PLA2G4C: variants seen among roughly 807,000 people sequenced by gnomAD.
The protein encoded by PLA2G4C is cytosolic phospholipase A2 gamma.
Under a neutral mutation model 73.8 loss-of-function variants are expected in PLA2G4C, and 64 were observed. The ratio of observed to expected loss-of-function variants is 0.87; its 90% confidence interval spans 0.71 to 1.07. The LOEUF (loss-of-function observed/expected upper bound fraction) is 1.07. Among genes scored for constraint, PLA2G4C ranks in the 50% least tolerant of loss-of-function variants. The probability of loss-of-function intolerance (pLI) is 0.00; values close to 1 mark genes in which losing one functional copy is unlikely to be tolerated. For missense variants in PLA2G4C, 622 were observed against 665.4 expected (o/e 0.93, Z 0.72); for synonymous variants, 254 against 252.1 (o/e 1.01, Z -0.07).
At chr19:48,105,945 C>CTTTCTTTCTTTCTTT (rs1568457691) in intron 2 of PLA2G4C, among the ~76,000 whole-genome samples, 4 of 8,346 alleles carry the variant, frequency 4.8e-4, no homozygotes, top group Admixed American at 1.2e-3. Flanking sequence ...CTCCCTCCCT[C>CTTTCTTTCTTTCTTT]CCTTCTTTCT....
chr19:48,091,883 CAAAAAAAAAA>C (rs35118449), intron 7 of PLA2G4C, among the ~76,000 whole-genome samples: 5 of 21,090 alleles, frequency 2.4e-4, no homozygotes, highest in Non-Finnish European at 3.4e-4. Flanking sequence ...GACTCCATCT[CAAAAAAAAAA>C]AAAAAAAAAA....
intron 4 of PLA2G4C, among the ~76,000 whole-genome samples, chr19:48,101,126 A>T (rs199573952): frequency 0.017 from 1,286 of 74,116 alleles, 24 homozygotes; most frequent in African/African-American, 0.046. Flanking sequence ...ATATATATAT[A>T]TTTTTTTTTT....
rs550776761 is a variant in PLA2G4C at position 48,090,040 on chromosome 19, T to C, written c.763+324A>G. On this transcript the variant is annotated intron_variant, in intron 8 of 16. Transcript: ENST00000599921. ...CACTGTCCTACAAGCTTTCAATGAA[T>C]TAACTCATCAAATATTCATAACTAC... is the stretch of plus-strand genomic sequence containing the variant. 7.7e-4 allele frequency among the ~76,000 whole-genome samples: 117 copies of C among 152,280 alleles called. 1 individual carries two copies. Among genetic ancestry groups the C allele is most frequent in the African/African-American group, 2.8e-3 (117 of 41,556 alleles).
chr19:48,105,439 T>A lies in PLA2G4C; in HGVS notation c.14A>T (p.Glu5Val), dbSNP rs745675566. MGSS[E>V]VSIIPGLQKE... ...CTGGAGCCCAGGAATTATGGAAACT[T>A]CAGAGCTTCCCAGGAGAAAACACAA... Residue 5 changes from glutamate to valine, a missense_variant, in exon 3 of 17, where the codon GAA becomes GTA. Coordinates refer to ENST00000599921, the MANE Select transcript of PLA2G4C (RefSeq NM_003706.3). The A allele has an allele frequency of 6.2e-7, 1 of 1,610,596 alleles. No individual in the cohort carries two copies. The highest frequency in any genetic ancestry group is 1.7e-4 in the Middle Eastern group (1 of 6,046).
At chr19:48,066,018 C>T (rs906489129) in intron 13 of PLA2G4C, among the ~76,000 whole-genome samples, 4 of 151,446 alleles carry the variant, frequency 2.6e-5, no homozygotes, top group African/African-American at 9.7e-5. Flanking sequence ...ACCCAGGAGG[C>T]GGAGGTTGCG....
intron 2 of PLA2G4C, 68 bp downstream of exon 2, chr19:48,106,454 C>CA (rs1729528531): frequency 1.7e-6 from 2 of 1,155,084 alleles, no homozygotes; most frequent in South Asian, 2.4e-5. Context: ...CACCTCTTGA[C>CA]ACTCACTATG....
intron 12 of PLA2G4C, among the ~76,000 whole-genome samples, chr19:48,068,651 G>T (rs1968540127): frequency 6.6e-6 from 1 of 151,306 alleles, no homozygotes; most frequent in South Asian, 2.1e-4. Context: ...ATGTATGATT[G>T]TGCCACTGCA....
Position 48,106,926 on chromosome 19 carries a change from C to T in PLA2G4C, c.-32-365G>A, listed in dbSNP as rs966040898. The stretch of plus-strand genomic sequence containing the variant: ...TTGGCATGATCTCGGCTCACTGCAT[C>T]CTCCGCCTCCCGGGTTCAAGCGATT... On this transcript the variant is annotated intron_variant, in intron 1 of 16. Coordinates refer to ENST00000599921, the MANE Select transcript of PLA2G4C (RefSeq NM_003706.3). Among the ~76,000 whole-genome samples, 67 of 152,078 alleles carry T rather than the reference C, an allele frequency of 4.4e-4. 1 individual carries two copies. The highest frequency in any genetic ancestry group is 4.7e-4 in the Non-Finnish European group (32 of 68,022).
intron 4 of PLA2G4C, among the ~76,000 whole-genome samples, chr19:48,103,650 T>C (rs2032028057): frequency 6.6e-6 from 1 of 152,230 alleles, no homozygotes; most frequent in Non-Finnish European, 1.5e-5. Flanking sequence ...ACCTGCCATC[T>C]GGGGCCTCCT....
At chr19:48,053,566 T>C (rs933463382) in intron 15 of PLA2G4C, among the ~76,000 whole-genome samples, 2 of 152,074 alleles carry the variant, frequency 1.3e-5, no homozygotes, top group Admixed American at 6.6e-5. Flanking sequence ...GAGACGGGGT[T>C]TCACCCTGTT....
intron 7 of PLA2G4C, among the ~76,000 whole-genome samples, chr19:48,092,084 AGATAG>A (rs2031341438): frequency 1.3e-5 from 2 of 148,312 alleles, no homozygotes; most frequent in African/African-American, 5.0e-5. Context: ...TTTTTTTTTG[AGATAG>A]CCCAGGCTGG....
chr19:48,100,272 T>G (rs1430858523), intron 4 of PLA2G4C, among the ~76,000 whole-genome samples: 1 of 152,068 alleles, frequency 6.6e-6, no homozygotes, highest in Non-Finnish European at 1.5e-5. Flanking sequence ...ATCCCAGCAC[T>G]TTGGGAGGAC....
chr19:48,068,198 G>A (rs187565309), intron 12 of PLA2G4C, among the ~76,000 whole-genome samples: 2 of 151,888 alleles, frequency 1.3e-5, no homozygotes, highest in Non-Finnish European at 2.9e-5. Flanking sequence ...CCAGCTACTG[G>A]GGAGGCTGAG....
intron 13 of PLA2G4C, among the ~76,000 whole-genome samples, chr19:48,063,665 A>C (rs1418071593): frequency 6.9e-6 from 1 of 144,556 alleles, no homozygotes; most frequent in African/African-American, 2.6e-5. Context: ...AGGGCACCCC[A>C]GAGTTAACCT....
chr19:48,067,791 C>T lies in PLA2G4C; in HGVS notation c.1102G>A (p.Gly368Ser), dbSNP rs760373194. Residue 368 changes from glycine (G) to serine (S), a missense_variant and splice_region_variant, in exon 13 of 17, where the codon GGT becomes AGT. Physicochemically the swap from Gly to Ser is moderately conservative, Grantham distance 56. Transcript: ENST00000599921. ...GTTHNFLYKH[G>S]GIRDKIMSSR... Reference sequence around the variant, plus strand: ...GGCGGTGGGAAGAGGGTCTTCTCACCGTGTTTGTACAGGAAGTTGTGAGTG... The same window carrying T: ...GGCGGTGGGAAGAGGGTCTTCTCACTGTGTTTGTACAGGAAGTTGTGAGTG... 1.0e-5 allele frequency: 16 copies of T among 1,599,094 alleles called. No individual in the cohort carries two copies. Among genetic ancestry groups the T allele is most frequent in the Admixed American group, 1.7e-5 (1 of 59,976 alleles).
intron 12 of PLA2G4C, among the ~76,000 whole-genome samples, chr19:48,073,823 C>T (rs980164542): frequency 7.9e-5 from 12 of 151,756 alleles, no homozygotes; most frequent in Admixed American, 3.9e-4. Context: ...TCTAAACAAC[C>T]GTATCTCACA....
At chr19:48,057,474 CTTCTTCTTCTTT>C (rs1426265089) in intron 14 of PLA2G4C, among the ~76,000 whole-genome samples, 21 of 16,858 alleles carry the variant, frequency 1.2e-3, no homozygotes, top group African/African-American at 4.0e-3. Context: ...TCTTCTTCTT[CTTCTTCTTCTTT>C]TTTTTTTTTT....
chr19:48,064,184 T>C (rs532440569), intron 13 of PLA2G4C, among the ~76,000 whole-genome samples: 1 of 152,296 alleles, frequency 6.6e-6, no homozygotes, highest in South Asian at 2.1e-4. Flanking sequence ...ATCCCAGCAC[T>C]TTGGGAGGCC....
At chr19:48,054,604 C>T (rs764258781) in intron 15 of PLA2G4C, among the ~76,000 whole-genome samples, 7 of 152,018 alleles carry the variant, frequency 4.6e-5, no homozygotes, top group South Asian at 2.1e-4. Flanking sequence ...CATGAGCCAC[C>T]GCGCCCGGCT....
Sources: allele counts gnomAD v4.1 joint callset (sites outside exome capture counted in the v4.1 genomes callset), GRCh38; gene constraint gnomAD v4.1.1; transcripts MANE v1.5; gene names NCBI Gene and HGNC (gene_info 2026-07-23, HGNC 2026-07-21).